SNX29: variants seen among roughly 807,000 people sequenced by gnomAD.
The protein encoded by SNX29 is sorting nexin 29.
A neutral mutation model predicts 102.1 loss-of-function variants in SNX29; 78 were observed. That is an observed-to-expected ratio of 0.76 (90% CI 0.64 to 0.92). The LOEUF (loss-of-function observed/expected upper bound fraction) is 0.92, where lower values mean the gene tolerates loss of function less well. Among genes scored for constraint, SNX29 ranks in the 40% least tolerant of loss-of-function variants. SNX29 has a pLI of 0.00. For missense variants in SNX29, 1,280 were observed against 1,061.7 expected, an observed-to-expected ratio of 1.21 and a Z score of -2.86; for synonymous variants, 580 against 414.5, an observed-to-expected ratio of 1.40 and a Z score of -4.85.
At position 12,254,828 on chromosome 16, in the gene SNX29, T is replaced by C. The variant is rs116937521; in HGVS notation, c.1679-23105T>C. Reference sequence around the variant, plus strand: ...CTGGTGGCAGCCATTGGTGGCATTGTCAAGACCTAGCCAGTGGACTGCAGG... The same window carrying C: ...CTGGTGGCAGCCATTGGTGGCATTGCCAAGACCTAGCCAGTGGACTGCAGG... On this transcript the variant is annotated intron_variant, in intron 14 of 20. Coordinates refer to ENST00000566228, the MANE Select transcript of SNX29 (RefSeq NM_032167.5). Among the ~76,000 whole-genome samples, 102 of 152,186 alleles carry C rather than the reference T, an allele frequency of 6.7e-4. 1 individual carries two copies. In the East Asian group the frequency reaches 0.016, roughly 25 times the overall value.
chr16:12,132,541 C>G (rs1213324503), intron 13 of SNX29, among the ~76,000 whole-genome samples: 1 of 152,192 alleles, frequency 6.6e-6, no homozygotes, highest in Non-Finnish European at 1.5e-5. Context: ...AGAGGATGAT[C>G]TCATCTAGCT....
rs529976491 is a variant in SNX29, at chr16:12,098,109, C to T, written c.1402+19194C>T. ...GCCCGCACACGCTGGGCCCAGAGGA[C>T]GCTCAGTACGTGGCCGGGGTGCTTA... On this transcript the variant is annotated intron_variant, in intron 11 of 20. Transcript: ENST00000566228. This position sits in a 1 kb window ranked among gnomAD's most constrained non-coding sequence, Gnocchi z 6.0. 2.1e-4 allele frequency among the ~76,000 whole-genome samples: 32 copies of T among 152,338 alleles called. No individual in the cohort carries two copies. Among genetic ancestry groups the T allele is most frequent in the East Asian group, 1.5e-3 (8 of 5,194 alleles).
Position 12,199,601 on chromosome 16 carries a change from A to G in SNX29, c.1596A>G (p.Arg532=). The change falls in exon 14 of 21, where the codon AGA becomes AGG. Residue 532 remains arginine, a splice_region_variant and synonymous_variant. Transcript: ENST00000566228. ...RQGMKVQALA[R]ENEVLKVQLK... is the part of the protein sequence containing the mutation. ...TTTTTTAACATTCTTGTACCTGCAGAGAGAACGAGGTGCTCAAAGTCCAAC... is the reference window on the plus strand; with the variant it reads ...TTTTTTAACATTCTTGTACCTGCAGGGAGAACGAGGTGCTCAAAGTCCAAC... 6.2e-7 allele frequency: 1 copy of G among 1,612,130 alleles called. No individual in the cohort carries two copies. The highest frequency in any genetic ancestry group is 1.1e-5 in the South Asian group (1 of 90,604).
At chr16:12,351,777 T>C (rs183943307) in intron 15 of SNX29, among the ~76,000 whole-genome samples, 23 of 152,282 alleles carry the variant, frequency 1.5e-4, no homozygotes, top group Admixed American at 6.5e-4. Flanking sequence ...AAATGTCACT[T>C]TCTTGGTGGT....
At chr16:12,210,010 T>G (rs2077141558) in intron 14 of SNX29, among the ~76,000 whole-genome samples, 1 of 152,214 alleles carries the variant, frequency 6.6e-6, no homozygotes, top group African/African-American at 2.4e-5. Flanking sequence ...ACGTGGAACC[T>G]TCAACATCGG....
intron 17 of SNX29, among the ~76,000 whole-genome samples, chr16:12,398,800 G>A (rs552748143): frequency 4.9e-4 from 73 of 150,288 alleles, no homozygotes; most frequent in African/African-American, 1.6e-3. Context: ...TGAGACGCTT[G>A]TCCCTGTGAG....
chr16:12,048,487 C>G lies in SNX29; in HGVS notation c.615C>G (p.Ser205=). 1 of 1,613,902 alleles carries G rather than the reference C, an allele frequency of 6.2e-7. No individual in the cohort carries two copies. The highest frequency in any genetic ancestry group is 8.5e-7 in the Non-Finnish European group (1 of 1,179,840). ...AGGAGTCAACGCAGAACGTGACCTC[C>G]TTGCTGAAGGAGTCCACGCAAGGAG... The part of the protein sequence containing the change: ...LLKESTQNVT[S]LLKESTQGVS... Residue 205 remains serine, a synonymous_variant, in exon 7 of 21, where the codon TCC becomes TCG. Transcript: ENST00000566228.
chr16:12,049,211 G>A (rs868300728), intron 7 of SNX29, among the ~76,000 whole-genome samples: 46 of 152,266 alleles, frequency 3.0e-4, no homozygotes, highest in Middle Eastern at 3.4e-3. Flanking sequence ...GATTCAGGCC[G>A]GTCGTGGTGG....
At chr16:12,226,329 T>A (rs80184265) in intron 14 of SNX29, among the ~76,000 whole-genome samples, 2,855 of 152,322 alleles carry the variant, frequency 0.019, 28 homozygotes, top group Non-Finnish European at 0.03. Context: ...AATGTTCTTA[T>A]GATTTTTTAA....
At chr16:12,078,999 C>T (rs2051730420) in intron 11 of SNX29, 84 bp downstream of exon 11, 2 of 1,223,306 alleles carry the variant, frequency 1.6e-6, no homozygotes, top group Middle Eastern at 2.6e-4. Context: ...GCTTCTAACC[C>T]TGTGACTGTG....
At chr16:12,153,136 G>T (rs1267766923) in intron 13 of SNX29, among the ~76,000 whole-genome samples, 3 of 152,194 alleles carry the variant, frequency 2.0e-5, no homozygotes, top group Non-Finnish European at 4.4e-5. Context: ...TGTGGCTCAT[G>T]CCTATAATCC....
At chr16:12,213,815 C>T (rs941159384) in intron 14 of SNX29, among the ~76,000 whole-genome samples, 6 of 152,146 alleles carry the variant, frequency 3.9e-5, no homozygotes, top group African/African-American at 1.2e-4. Flanking sequence ...GCTATGTGGC[C>T]ACCCCAAATT....
At chr16:12,057,089 C>T (rs1054275142) in intron 8 of SNX29, among the ~76,000 whole-genome samples, 1 of 152,196 alleles carries the variant, frequency 6.6e-6, no homozygotes, top group African/African-American at 2.4e-5. Flanking sequence ...GCTGGGATTA[C>T]AGGCATGGGT....
chr16:12,311,087 G>A (rs1490967918), intron 15 of SNX29, among the ~76,000 whole-genome samples: 1 of 152,206 alleles, frequency 6.6e-6, no homozygotes, highest in Middle Eastern at 3.2e-3. Flanking sequence ...AAAGTTATAA[G>A]TGAGGGCTGG....
At chr16:12,274,415 C>A (rs923421857) in intron 14 of SNX29, among the ~76,000 whole-genome samples, 1 of 152,188 alleles carries the variant, frequency 6.6e-6, no homozygotes, top group Non-Finnish European at 1.5e-5. Context: ...TTGAACTCTT[C>A]CATCCTGCCC....
intron 15 of SNX29, among the ~76,000 whole-genome samples, chr16:12,322,812 TGG>T (rs2080983694): frequency 1.8e-5 from 1 of 56,688 alleles, no homozygotes; most frequent in Non-Finnish European, 4.8e-5. Flanking sequence ...ATATGGTCAC[TGG>T]AATCACTGAT....
intron 20 of SNX29, among the ~76,000 whole-genome samples, chr16:12,531,326 A>C (rs1260216986): frequency 6.6e-6 from 1 of 152,218 alleles, no homozygotes; most frequent in African/African-American, 2.4e-5. Context: ...CAGGTGTGTG[A>C]ACTCAGGGCT....
intron 20 of SNX29, among the ~76,000 whole-genome samples, chr16:12,565,072 GTGGGGACACA>G (rs1313399744): frequency 2.6e-5 from 4 of 152,170 alleles, no homozygotes; most frequent in African/African-American, 9.7e-5. Flanking sequence ...AAGGGGCCCA[GTGGGGACACA>G]TGGGGTCGTC....
chr16:12,277,812 T>G, intron 14 of SNX29, 121 bp from the exon 15 acceptor site: 3 of 758,272 alleles, frequency 4.0e-6, no homozygotes, highest in Non-Finnish European at 6.6e-6. Context: ...GTGTGTGTGT[T>G]TTTCTTGAGA....
Sources: gnomAD v4.1 joint callset for allele counts (sites outside exome capture counted in the v4.1 genomes callset) on GRCh38, gnomAD v4.1.1 for gene constraint, Gnocchi (gnomAD v3.1) non-coding constraint, MANE v1.5 for transcripts, NCBI Gene and HGNC (gene_info 2026-07-23, HGNC 2026-07-21) for gene names.